GPAM: variants seen among roughly 807,000 people sequenced by gnomAD.
The protein encoded by GPAM is glycerol-3-phosphate acyltransferase 1, mitochondrial.
Under a neutral mutation model 105.0 loss-of-function variants are expected in GPAM, and 56 were observed. That is an observed-to-expected ratio of 0.53 (90% CI 0.43 to 0.67). The LOEUF (loss-of-function observed/expected upper bound fraction) is 0.67. GPAM is among the 30% of genes least tolerant of loss of function. The pLI is 0.00. For synonymous variants in GPAM, 368 were observed against 354.4 expected, an observed-to-expected ratio of 1.04 and a Z score of -0.43; for missense variants, 855 against 989.8, an observed-to-expected ratio of 0.86 and a Z score of 1.83.
chr10:112,212,803 T>C (rs1589613813), intron 1 of GPAM, among the ~76,000 whole-genome samples: 1 of 152,162 alleles, frequency 6.6e-6, no homozygotes, highest in Admixed American at 6.5e-5. Flanking sequence ...GGAGGAAATA[T>C]GAGATCAGCC....
chr10:112,207,147 T>G (rs1231111872), intron 1 of GPAM, among the ~76,000 whole-genome samples: 1 of 152,240 alleles, frequency 6.6e-6, no homozygotes. Flanking sequence ...TGGAGATATA[T>G]TTAGTTGTCA....
intron 9 of GPAM, among the ~76,000 whole-genome samples, chr10:112,169,885 C>A (rs1408894073): frequency 6.6e-6 from 1 of 152,134 alleles, no homozygotes; most frequent in Non-Finnish European, 1.5e-5. Context: ...AGGATAGGAG[C>A]GCAAATCCTA....
rs542878955 is a variant in GPAM at position 112,152,976 on chromosome 10, G to A, written c.*574C>T. 2.1e-5 allele frequency: 5 copies of A among 235,326 alleles called. No homozygotes were observed. Among genetic ancestry groups the A allele is most frequent in the African/African-American group, 1.2e-4 (5 of 43,022 alleles). 14.6% of individuals were successfully genotyped at this position (235,326 alleles called of 1,614,324 possible). ...ATCTGACAGCAAAGGACAGCACAGTGATACCTGGGTGTGATATATATCAGT... is the reference window on the plus strand; with the variant it reads ...ATCTGACAGCAAAGGACAGCACAGTAATACCTGGGTGTGATATATATCAGT... On this transcript the variant is annotated 3_prime_UTR_variant, in exon 22 of 22. Coordinates refer to ENST00000348367, the MANE Select transcript of GPAM (RefSeq NM_001244949.2).
chr10:112,150,210 G>T lies in GPAM; in HGVS notation c.*3340C>A, dbSNP rs994372630. 11 of 984,670 alleles carry T rather than the reference G, an allele frequency of 1.1e-5. No individual in the cohort carries two copies. The African/African-American group carries it at 1.6e-4, about 14-fold the overall frequency. The allele number at this position is 984,670 out of a possible 1,614,324, so 61.0% of individuals were successfully genotyped here. A position where few individuals can be genotyped will look rare whatever the true frequency, so the allele number is the denominator to read the frequency against. On this transcript the variant is annotated 3_prime_UTR_variant, in exon 22 of 22. Transcript: ENST00000348367. ...TTAAAAAACAGGTTTACAGCCCATAGTAAGTCTTAGAAACCTCAACGATAG... is the reference window on the plus strand; with the variant it reads ...TTAAAAAACAGGTTTACAGCCCATATTAAGTCTTAGAAACCTCAACGATAG...
At chr10:112,158,193 A>G in intron 18 of GPAM, 123 bp downstream of exon 18, 1 of 778,790 alleles carries the variant, frequency 1.3e-6, no homozygotes, top group South Asian at 1.4e-5. Flanking sequence ...CACCTCCCAA[A>G]GTGCTGGGAT....
chr10:112,180,258 A>G (rs1275078750), intron 4 of GPAM, among the ~76,000 whole-genome samples: 1 of 152,234 alleles, frequency 6.6e-6, no homozygotes, highest in Non-Finnish European at 1.5e-5. Flanking sequence ...CCTCAAAAGA[A>G]CTAGAATGTT....
chr10:112,178,546 T>C (rs764651906), intron 4 of GPAM, among the ~76,000 whole-genome samples: 2 of 144,210 alleles, frequency 1.4e-5, no homozygotes, highest in Non-Finnish European at 3.0e-5. Flanking sequence ...CAAGACTCCA[T>C]CTCAAAAAAA....
intron 1 of GPAM, among the ~76,000 whole-genome samples, chr10:112,209,915 A>G (rs1306960776): frequency 6.6e-6 from 1 of 152,196 alleles, no homozygotes; most frequent in East Asian, 1.9e-4. Flanking sequence ...CCAGCCCCAC[A>G]GGGCATGGGT....
the GPAM span, among the ~76,000 whole-genome samples, chr10:112,226,480 G>T: frequency 1.3e-5 from 2 of 152,132 alleles, no homozygotes; most frequent in Non-Finnish European, 1.5e-5. Flanking sequence ...AAGCCCAGTT[G>T]CACCCTGTGT....
chr10:112,168,215 CA>C (rs1050637689), intron 11 of GPAM, 96 bp downstream of exon 11: 75 of 766,114 alleles, frequency 9.8e-5, no homozygotes, highest in Middle Eastern at 6.7e-4. Context: ...TAGGGAGTAC[CA>C]AAAAAAATTC....
upstream of GPAM, among the ~76,000 whole-genome samples, chr10:112,216,061 T>G (rs1239132182): frequency 6.6e-6 from 1 of 152,128 alleles, no homozygotes; most frequent in Admixed American, 6.5e-5. Flanking sequence ...CATGTGACTT[T>G]AAACACTGTC....
Position 112,150,029 on chromosome 10 carries a change from T to A in GPAM, c.*3521A>T. ...AATTCTTTTCACGAGTCTTAACATT[T>A]CTTTGTACAACAGGCAAATAGTTTA... On this transcript the variant is annotated 3_prime_UTR_variant, in exon 22 of 22. Transcript: ENST00000348367. The A allele has an allele frequency of 1.0e-6, 1 of 985,266 alleles. No individual in the cohort carries two copies. The highest frequency in any genetic ancestry group is 1.2e-6 in the Non-Finnish European group (1 of 829,510). The allele number at this position is 985,266 out of a possible 1,614,324, so 61.0% of individuals were successfully genotyped here. A position where few individuals can be genotyped will look rare whatever the true frequency, so the allele number is the denominator to read the frequency against.
At position 112,172,269 on chromosome 10, in the gene GPAM, T is replaced by G. The variant is rs1370112702; in HGVS notation, c.707A>C (p.Tyr236Ser). ...GAAGAGAATGAAAGTGAGCAGCAGA[T>G]AGTCAATATGGGATCTATGAACTGG... is the stretch of plus-strand genomic sequence containing the variant. Reference protein sequence around the residue: ...FLPVHRSHIDYLLLTFILFCH... With the variant: ...FLPVHRSHIDSLLLTFILFCH... Residue 236 changes from tyrosine (Y) to serine (S), a missense_variant, in exon 9 of 22, where the codon TAT becomes TCT. By Grantham distance (144) the Tyr-to-Ser change is moderately radical. Transcript: ENST00000348367. The G allele has an allele frequency of 1.9e-6, 3 of 1,610,548 alleles. No homozygotes were observed. The highest frequency in any genetic ancestry group is 2.5e-6 in the Non-Finnish European group (3 of 1,176,800).
At chr10:112,166,634 A>C (rs537811007) in intron 11 of GPAM, 119 bp from the exon 12 acceptor site, 7 of 735,792 alleles carry the variant, frequency 9.5e-6, no homozygotes, top group African/African-American at 1.7e-5. Context: ...GAAGAAGAAC[A>C]ATGAATGAAG....
In GPAM at chr10:112,158,380, A is replaced by C; in HGVS notation, c.1916T>G (p.Phe639Cys). The change falls in exon 18 of 22, where the codon TTT (phenylalanine) becomes TGT (cysteine). Residue 639 changes from phenylalanine (F) to cysteine (C), a missense_variant. Physicochemically the swap from Phe to Cys is radical, Grantham distance 205 (BLOSUM62 -2). Coordinates refer to ENST00000348367, the MANE Select transcript of GPAM (RefSeq NM_001244949.2). ...EGTISLPCQT[F>C]YQVCHETVGK... ...TACTGTTTCATGGCAGACTTGGTAA[A>C]ATGTCTGGCAAGGCTGAAAAGAAAA... is the stretch of plus-strand genomic sequence containing the variant. 1 of 1,597,160 alleles carries C rather than the reference A, an allele frequency of 6.3e-7. No individual in the cohort carries two copies. Among genetic ancestry groups the C allele is most frequent in the Non-Finnish European group, 8.6e-7 (1 of 1,164,518 alleles).
At chr10:112,180,106 C>G (rs997430236) in intron 4 of GPAM, among the ~76,000 whole-genome samples, 4 of 152,158 alleles carry the variant, frequency 2.6e-5, no homozygotes, top group African/African-American at 7.2e-5. Context: ...TATTCTGTCC[C>G]ATTATCTCTT....
chr10:112,203,873 GT>G (rs555792292), intron 1 of GPAM, among the ~76,000 whole-genome samples: 284 of 152,324 alleles, frequency 1.9e-3, no homozygotes, highest in Middle Eastern at 0.01. Flanking sequence ...GGCAGAGTCT[GT>G]TTTTTAAAGA....
Position 112,158,736 on chromosome 10 carries a change from A to C in GPAM, c.1903-343T>G, listed in dbSNP as rs372555469. Among the ~76,000 whole-genome samples the C allele has an allele frequency of 8.5e-5, 13 of 152,346 alleles. No homozygotes were observed. In the East Asian group the frequency reaches 1.9e-3, roughly 23 times the overall value. On this transcript the variant is annotated intron_variant, in intron 17 of 21. Transcript: ENST00000348367. ...CACCATCTATTTCTTTTACTTTATA[A>C]GACAATTTCTCTGCAATAGTTATCT...
Position 112,168,402 on chromosome 10 carries a change from C to G in GPAM, c.1017G>C (p.Leu339=), listed in dbSNP as rs758893310. 20 of 1,599,216 alleles carry G rather than the reference C, an allele frequency of 1.3e-5. No individual in the cohort carries two copies. In the South Asian group the frequency reaches 2.2e-4, roughly 18 times the overall value. Residue 339 remains leucine (L), a synonymous_variant, in exon 11 of 22, where the codon CTG becomes CTC. Transcript: ENST00000348367. Reference sequence around the variant, plus strand: ...AGATGTCTGGGATGACATTGGTAGACAGAGTATCTACCACAACTGACAAAA... The same window carrying G: ...AGATGTCTGGGATGACATTGGTAGAGAGAGTATCTACCACAACTGACAAAA... ...AGLLSVVVDT[L]STNVIPDILI... is the part of the protein sequence containing the mutation.
Sources: gnomAD v4.1 joint callset for allele counts (sites outside exome capture counted in the v4.1 genomes callset) on GRCh38, gnomAD v4.1.1 for gene constraint, MANE v1.5 for transcripts, NCBI Gene and HGNC (gene_info 2026-07-23, HGNC 2026-07-21) for gene names.